Variants in CPEB1 observed in about 807,000 individuals in gnomAD.
CPEB1 encodes the protein cytoplasmic polyadenylation element binding protein 1, also known as cytoplasmic polyadenylation element-binding protein 1.
CPEB1 carries 7 observed loss-of-function variants against 65.8 expected under a neutral mutation model. The ratio of observed to expected loss-of-function variants is 0.11; its 90% confidence interval spans 0.06 to 0.20. The LOEUF (loss-of-function observed/expected upper bound fraction) is 0.20, where lower values mean the gene tolerates loss of function less well. Among genes scored for constraint, CPEB1 ranks in the 10% least tolerant of loss-of-function variants. The probability of loss-of-function intolerance (pLI) is 1.00; values close to 1 mark genes in which losing one functional copy is unlikely to be tolerated. For synonymous variants in CPEB1, 262 were observed against 260.0 expected (o/e 1.01, Z -0.08); for missense variants, 551 against 712.2 (o/e 0.77, Z 2.58).
chr15:82,598,451 A>G (rs1015469489), intron 3 of CPEB1, among the ~76,000 whole-genome samples: 1 of 151,978 alleles, frequency 6.6e-6, no homozygotes, highest in South Asian at 2.1e-4. Context: ...CTGAGATTGC[A>G]CCACTCCAGC....
intron 3 of CPEB1, among the ~76,000 whole-genome samples, chr15:82,607,481 G>T (rs538135718): frequency 6.6e-6 from 1 of 152,062 alleles, no homozygotes; most frequent in Non-Finnish European, 1.5e-5. Flanking sequence ...TCAGCTACTC[G>T]GGAGGCTGAG....
intron 4 of CPEB1, among the ~76,000 whole-genome samples, chr15:82,561,916 C>T (rs2038280447): frequency 6.6e-6 from 1 of 152,148 alleles, no homozygotes; most frequent in African/African-American, 2.4e-5. Context: ...TCATCTGTTC[C>T]GCAATCTGGA....
intron 1 of CPEB1, chr15:82,629,980 C>T: frequency 1.0e-6 from 1 of 985,462 alleles, no homozygotes; most frequent in Non-Finnish European, 1.2e-6. Flanking sequence ...TTTTCCCAAG[C>T]TCTCTAGAGT....
intron 12 of CPEB1, 109 bp from the exon 13 acceptor site, chr15:82,544,811 T>C: frequency 1.3e-6 from 1 of 777,474 alleles, no homozygotes; most frequent in Non-Finnish European, 2.2e-6. Context: ...AGACTCCCGA[T>C]GGCCTCTGTG....
intron 1 of CPEB1, among the ~76,000 whole-genome samples, chr15:82,634,020 T>C (rs2046463668): frequency 6.6e-6 from 1 of 151,546 alleles, no homozygotes; most frequent in African/African-American, 2.4e-5. Flanking sequence ...TAGTCAGAAA[T>C]ACATAAAGTA....
chr15:82,622,761 G>A (rs1254324494), intron 3 of CPEB1, among the ~76,000 whole-genome samples: 1 of 152,116 alleles, frequency 6.6e-6, no homozygotes, highest in Admixed American at 6.5e-5. Flanking sequence ...CTAACCAGGG[G>A]TTCAACCTTG....
intron 3 of CPEB1, among the ~76,000 whole-genome samples, chr15:82,580,264 T>C (rs919158158): frequency 4.7e-5 from 7 of 148,600 alleles, no homozygotes; most frequent in Non-Finnish European, 7.4e-5. Flanking sequence ...GAGGTTGCAG[T>C]GAGCTGAGAT....
intron 3 of CPEB1, among the ~76,000 whole-genome samples, chr15:82,626,438 AC>A (rs2045783247): frequency 6.6e-6 from 1 of 152,038 alleles, no homozygotes; most frequent in Admixed American, 6.6e-5. Flanking sequence ...GTCCCAAAAA[AC>A]AAAAAGAAAG....
rs1449133018 is a variant in CPEB1, at chr15:82,571,221, T to C, written c.460+123A>G. On this transcript the variant is annotated intron_variant, in intron 4 of 12. Transcript: ENST00000684509. Reference sequence around the variant, plus strand: ...TTCCATCTCTTGCAAAACAGCTCCATGTTGTATGTGTGTATGGTGGGGAGT... The same window carrying C: ...TTCCATCTCTTGCAAAACAGCTCCACGTTGTATGTGTGTATGGTGGGGAGT... The C allele has an allele frequency of 5.6e-6, 7 of 1,254,752 alleles. No homozygotes were observed. The East Asian group carries it at 1.3e-4, about 23-fold the overall frequency. The allele number at this position is 1,254,752 out of a possible 1,614,324, so 77.7% of individuals were successfully genotyped here. A position where few individuals can be genotyped will look rare whatever the true frequency, so the allele number is the denominator to read the frequency against.
At position 82,579,511 on chromosome 15, in the gene CPEB1, T is replaced by C. The variant is rs1417358815; in HGVS notation, c.272-7979A>G. Among the ~76,000 whole-genome samples, 7 of 152,208 alleles carry C rather than the reference T, an allele frequency of 4.6e-5. No individual in the cohort carries two copies. In the South Asian group the frequency reaches 8.3e-4, roughly 18 times the overall value. ...ATTTATAACATTTAGATTGCCTTAA[T>C]TGCCCTAACAATCATCATTATCACC... On this transcript the variant is annotated intron_variant, in intron 3 of 12. Transcript: ENST00000684509.
chr15:82,629,516 T>C (rs2046063643), intron 1 of CPEB1: 17 of 985,386 alleles, frequency 1.7e-5, no homozygotes, highest in Non-Finnish European at 1.8e-5. Context: ...CCTATCTCGG[T>C]AAATAACACC....
chr15:82,642,748 T>C (rs1208390571), intron 1 of CPEB1, among the ~76,000 whole-genome samples: 1 of 152,144 alleles, frequency 6.6e-6, no homozygotes, highest in Non-Finnish European at 1.5e-5. Flanking sequence ...GTACAGTTTA[T>C]ATACCGCCTA....
chr15:82,625,732 G>T (rs1331268311), intron 3 of CPEB1, among the ~76,000 whole-genome samples: 1 of 152,222 alleles, frequency 6.6e-6, no homozygotes, highest in Non-Finnish European at 1.5e-5. Flanking sequence ...AGGGTTGACT[G>T]TAATTATCAG....
At chr15:82,548,412 A>C (rs932353042) in intron 10 of CPEB1, among the ~76,000 whole-genome samples, 1 of 152,202 alleles carries the variant, frequency 6.6e-6, no homozygotes, top group Non-Finnish European at 1.5e-5. Context: ...CCAAAACTCA[A>C]TGGGGCCACA....
At chr15:82,578,529 C>T (rs190145926) in intron 3 of CPEB1, among the ~76,000 whole-genome samples, 5 of 152,200 alleles carry the variant, frequency 3.3e-5, no homozygotes, top group Admixed American at 6.5e-5. Context: ...TTTGGGAAGC[C>T]GAGGCAGGTG....
chr15:82,633,484 T>C (rs940612170), intron 1 of CPEB1, among the ~76,000 whole-genome samples: 1 of 152,230 alleles, frequency 6.6e-6, no homozygotes, highest in Non-Finnish European at 1.5e-5. Flanking sequence ...GTGATTCTCC[T>C]GCCTCAGCCT....
chr15:82,629,783 G>A, intron 1 of CPEB1: 1 of 985,316 alleles, frequency 1.0e-6, no homozygotes, highest in African/African-American at 1.7e-5. Context: ...GAGGCCCAAT[G>A]TCATTTTGTT....
chr15:82,574,658 G>A (rs1303391900), intron 3 of CPEB1, among the ~76,000 whole-genome samples: 2 of 146,856 alleles, frequency 1.4e-5, no homozygotes, highest in Non-Finnish European at 3.0e-5. Flanking sequence ...GAAGGGGAGA[G>A]GTTGCAGTGA....
chr15:82,581,935 T>C (rs2041318562), intron 3 of CPEB1, among the ~76,000 whole-genome samples: 1 of 152,194 alleles, frequency 6.6e-6, no homozygotes, highest in Non-Finnish European at 1.5e-5. Context: ...AGTCCAGGTA[T>C]GGGTATGACT....
Sources: gnomAD v4.1 joint callset for allele counts (sites outside exome capture counted in the v4.1 genomes callset) on GRCh38, gnomAD v4.1.1 for gene constraint, MANE v1.5 for transcripts, NCBI Gene and HGNC (gene_info 2026-07-23, HGNC 2026-07-21) for gene names.